RIMS1: variants seen among roughly 807,000 people sequenced by gnomAD.
RIMS1 encodes regulating synaptic membrane exocytosis protein 1.
Under a neutral mutation model 214.1 loss-of-function variants are expected in RIMS1, and 83 were observed. That is an observed-to-expected ratio of 0.39 (90% CI 0.32 to 0.47). The LOEUF (loss-of-function observed/expected upper bound fraction) is 0.47. Ranked by LOEUF, RIMS1 falls within the 20% of genes least tolerant of loss-of-function variation. The pLI, the probability that RIMS1 is intolerant of heterozygous loss-of-function variation, is 0.99. For missense variants in RIMS1, 2,050 were observed against 2,161.8 expected, an observed-to-expected ratio of 0.95 and a Z score of 1.03; for synonymous variants, 793 against 786.8, an observed-to-expected ratio of 1.01 and a Z score of -0.13.
At chr6:71,994,080 A>G (rs563796701) in intron 2 of RIMS1, among the ~76,000 whole-genome samples, 26 of 152,288 alleles carry the variant, frequency 1.7e-4, no homozygotes, top group African/African-American at 6.3e-4. Context: ...ATGATCAGTG[A>G]TGGTTATAGT....
chr6:71,985,255 G>A (rs574446235), intron 2 of RIMS1, among the ~76,000 whole-genome samples: 5 of 152,204 alleles, frequency 3.3e-5, no homozygotes, highest in African/African-American at 1.2e-4. Flanking sequence ...GCCAGGCATG[G>A]TGGCGTGTGC....
In RIMS1 at chr6:72,400,527, A is replaced by G; in HGVS notation, c.4892A>G (p.Asp1631Gly). The stretch of plus-strand genomic sequence containing the variant: ...GTCTGGGGAGACTATGGCAGAATGG[A>G]CCACAAATGCTTTATGGGTGTGGCT... The part of the protein sequence containing the change: ...VIVWGDYGRM[D>G]HKCFMGVAQI... Residue 1631 changes from aspartate to glycine, a missense_variant, in exon 34 of 34, where the codon GAC becomes GGC. Asp to Gly is a moderately conservative substitution (Grantham distance 94). Transcript: ENST00000521978. 6.2e-7 allele frequency: 1 copy of G among 1,613,962 alleles called. No homozygotes were observed. The highest frequency in any genetic ancestry group is 8.5e-7 in the Non-Finnish European group (1 of 1,179,888).
intron 6 of RIMS1, among the ~76,000 whole-genome samples, chr6:72,218,794 G>A (rs1002045612): frequency 6.6e-6 from 1 of 152,146 alleles, no homozygotes; most frequent in Non-Finnish European, 1.5e-5. Context: ...TGATTTCTCT[G>A]TCTAGTTCTG....
intron 2 of RIMS1, among the ~76,000 whole-genome samples, chr6:72,002,861 T>C (rs1453429992): frequency 6.6e-6 from 1 of 152,196 alleles, no homozygotes; most frequent in East Asian, 1.9e-4. Context: ...ACATCCCATG[T>C]CAGAAATCCC....
intron 2 of RIMS1, among the ~76,000 whole-genome samples, chr6:71,983,224 A>G (rs1234137538): frequency 6.6e-6 from 1 of 152,014 alleles, no homozygotes. Flanking sequence ...CTGTAAGTTT[A>G]TGAGCTCTAT....
Position 72,401,264 on chromosome 6 carries a change from A to G in RIMS1, c.*550A>G, listed in dbSNP as rs1240746090. The G allele has an allele frequency of 1.3e-5, 2 of 152,954 alleles. No individual in the cohort carries two copies. The highest frequency in any genetic ancestry group is 4.8e-5 in the African/African-American group (2 of 41,438). 9.5% of individuals were successfully genotyped at this position (152,954 alleles called of 1,614,324 possible). The stretch of plus-strand genomic sequence containing the variant: ...TCATGACAGGCCTCATGATGCTAAC[A>G]GAGATTCTTCCCTTCTTTTTTCCAA... On this transcript the variant is annotated 3_prime_UTR_variant, in exon 34 of 34. Transcript: ENST00000521978.
At chr6:72,152,750 T>C (rs1450514951) in intron 4 of RIMS1, among the ~76,000 whole-genome samples, 3 of 137,300 alleles carry the variant, frequency 2.2e-5, no homozygotes, top group East Asian at 4.1e-4. Flanking sequence ...TGTATATATA[T>C]GTATATATAT....
At chr6:72,131,464 C>T (rs1297573151) in intron 4 of RIMS1, among the ~76,000 whole-genome samples, 2 of 152,152 alleles carry the variant, frequency 1.3e-5, no homozygotes, top group East Asian at 1.9e-4. Flanking sequence ...CATCACATGT[C>T]GGTATGTTCC....
At chr6:72,382,219 A>G (rs974124944) in intron 29 of RIMS1, among the ~76,000 whole-genome samples, 17 of 152,214 alleles carry the variant, frequency 1.1e-4, no homozygotes, top group Non-Finnish European at 2.5e-4. Context: ...ATTTTCTAAA[A>G]ATAATCCTCC....
At chr6:72,302,275 A>G (rs1416455868) in intron 26 of RIMS1, among the ~76,000 whole-genome samples, 1 of 151,578 alleles carries the variant, frequency 6.6e-6, no homozygotes, top group African/African-American at 2.4e-5. Flanking sequence ...CATATAAACA[A>G]TTCCTATTTC....
intron 2 of RIMS1, among the ~76,000 whole-genome samples, chr6:72,060,326 C>T (rs561165874): frequency 4.6e-5 from 7 of 152,014 alleles, no homozygotes; most frequent in Admixed American, 6.6e-5. Flanking sequence ...TTTGCAGCCC[C>T]GATCTAAACA....
rs1007576695 is a variant in RIMS1, at chr6:72,317,655, T to C, written c.4130+3983T>C. The stretch of plus-strand genomic sequence containing the variant: ...CCCTTATTTCACAATAGTTCTTCAA[T>C]TCAGTAAGGCAATACAGGATAAAAT... On this transcript the variant is annotated intron_variant, in intron 28 of 33. Transcript: ENST00000521978. Among the ~76,000 whole-genome samples, 5 of 152,318 alleles carry C rather than the reference T, an allele frequency of 3.3e-5. No homozygotes were observed. In the East Asian group the frequency reaches 9.6e-4, roughly 29 times the overall value.
In RIMS1 at chr6:72,366,780, T is replaced by C. The variant is rs1045156973; in HGVS notation, c.4367-23818T>C. On this transcript the variant is annotated intron_variant, in intron 29 of 33. Coordinates refer to ENST00000521978, the MANE Select transcript of RIMS1 (RefSeq NM_014989.7). ...TTCCAGCCAGCCACCGCACAAGTTA[T>C]TTAAACCAGGTCAAAGCTTCTTTGG... 1.6e-5 allele frequency: 16 copies of C among 985,836 alleles called. No homozygotes were observed. In the African/African-American group the frequency reaches 2.6e-4, roughly 16 times the overall value. The allele number at this position is 985,836 out of a possible 1,614,324, so 61.1% of individuals were successfully genotyped here. A position where few individuals can be genotyped will look rare whatever the true frequency, so the allele number is the denominator to read the frequency against.
At position 72,251,098 on chromosome 6, in the gene RIMS1, GTATA is replaced by G; in HGVS notation, c.2544+8_2544+11del. The G allele has an allele frequency of 6.4e-7, 1 of 1,573,244 alleles. No homozygotes were observed. Among genetic ancestry groups the G allele is most frequent in the Non-Finnish European group, 8.6e-7 (1 of 1,158,402 alleles). ...AAAGTGAATTTCTTGGAGAGGTGAT[GTATA>G]TTTTAAAAACTCAAGTCAAATAGTT... is the stretch of plus-strand genomic sequence containing the variant. On this transcript the variant is annotated splice_region_variant and intron_variant, in intron 14 of 33. Coordinates refer to ENST00000521978, the MANE Select transcript of RIMS1 (RefSeq NM_014989.7).
intron 2 of RIMS1, among the ~76,000 whole-genome samples, chr6:72,028,879 T>G (rs1003678730): frequency 6.6e-6 from 1 of 152,316 alleles, no homozygotes; most frequent in African/African-American, 2.4e-5. Flanking sequence ...CATCTTTCCT[T>G]TATATTCTGC....
At chr6:71,960,497 CT>C (rs1289552383) in intron 1 of RIMS1, among the ~76,000 whole-genome samples, 3 of 152,060 alleles carry the variant, frequency 2.0e-5, no homozygotes, top group African/African-American at 7.2e-5. Flanking sequence ...ATGACTGGGA[CT>C]TTTGTTTATA....
intron 26 of RIMS1, among the ~76,000 whole-genome samples, chr6:72,303,523 T>C (rs149177532): frequency 3.0e-4 from 46 of 151,506 alleles, no homozygotes; most frequent in African/African-American, 1.1e-3. Context: ...TTTATTTTTC[T>C]TATCTTGCAT....
chr6:72,203,557 C>G (rs1459366569), intron 6 of RIMS1, among the ~76,000 whole-genome samples: 1 of 152,090 alleles, frequency 6.6e-6, no homozygotes, highest in African/African-American at 2.4e-5. Context: ...CTAGTTCTGT[C>G]AAGAACTGGG....
At chr6:72,131,715 G>A (rs1044237119) in intron 4 of RIMS1, among the ~76,000 whole-genome samples, 1 of 152,196 alleles carries the variant, frequency 6.6e-6, no homozygotes, top group Non-Finnish European at 1.5e-5. Flanking sequence ...ACAGGGCTTT[G>A]AGAGCAACTG....
Sources: allele counts gnomAD v4.1 joint callset (sites outside exome capture counted in the v4.1 genomes callset), GRCh38; gene constraint gnomAD v4.1.1; transcripts MANE v1.5; gene names NCBI Gene and HGNC (gene_info 2026-07-23, HGNC 2026-07-21).